ROBO2: variants seen among roughly 807,000 people sequenced by gnomAD.
ROBO2 encodes roundabout homolog 2.
A neutral mutation model predicts 160.8 loss-of-function variants in ROBO2; 53 were observed. The ratio of observed to expected loss-of-function variants is 0.33; its 90% CI spans 0.26 to 0.41. The LOEUF (loss-of-function observed/expected upper bound fraction) is 0.41, where lower values mean the gene tolerates loss of function less well. Among genes scored for constraint, ROBO2 ranks in the 10% least tolerant of loss-of-function variants. The pLI is 1.00. For missense variants in ROBO2, 1,577 were observed against 1,722.4 expected (o/e 0.92, Z 1.49); for synonymous variants, 664 against 611.7 (o/e 1.09, Z -1.26).
At chr3:76,919,285 A>C (rs1018055429) in intron 2 of ROBO2, among the ~76,000 whole-genome samples, 2 of 152,228 alleles carry the variant, frequency 1.3e-5, no homozygotes, top group African/African-American at 2.4e-5. Flanking sequence ...TTTCCATTTA[A>C]GAATGTAATT....
At chr3:76,906,959 C>T (rs555186891) in intron 2 of ROBO2, among the ~76,000 whole-genome samples, 69 of 152,266 alleles carry the variant, frequency 4.5e-4, no homozygotes, top group East Asian at 1.2e-3. Context: ...CAGTTATACA[C>T]GCCTAAGGGA....
At chr3:76,408,445 A>G (rs1287479224) in intron 2 of ROBO2, among the ~76,000 whole-genome samples, 1 of 152,134 alleles carries the variant, frequency 6.6e-6, no homozygotes, top group Non-Finnish European at 1.5e-5. Context: ...TTTGTTCAAG[A>G]ATAGTGAATA....
intron 2 of ROBO2, among the ~76,000 whole-genome samples, chr3:77,287,254 C>CA (rs1031603995): frequency 4.6e-5 from 7 of 151,954 alleles, no homozygotes; most frequent in East Asian, 1.9e-4. Flanking sequence ...TGTGCCCTTG[C>CA]AAAAAAATCT....
chr3:76,088,954 G>A (rs769659448), intron 2 of ROBO2, among the ~76,000 whole-genome samples: 28 of 151,958 alleles, frequency 1.8e-4, no homozygotes, highest in Admixed American at 7.9e-4. Context: ...GAGTGGAAGA[G>A]AGAGAGAATG....
chr3:76,586,488 T>C (rs899731033), intron 2 of ROBO2, among the ~76,000 whole-genome samples: 4 of 152,236 alleles, frequency 2.6e-5, no homozygotes, highest in Admixed American at 2.6e-4. Context: ...AAATGTAATG[T>C]AAGACACATA....
At chr3:77,464,916 G>T (rs2082615771) in intron 2 of ROBO2, among the ~76,000 whole-genome samples, 1 of 152,098 alleles carries the variant, frequency 6.6e-6, no homozygotes, top group Admixed American at 6.6e-5. Flanking sequence ...TATGTCAAGG[G>T]CAGTATTAAA....
chr3:76,241,805 G>A (rs1170815413), intron 2 of ROBO2, among the ~76,000 whole-genome samples: 1 of 152,146 alleles, frequency 6.6e-6, no homozygotes, highest in Non-Finnish European at 1.5e-5. Flanking sequence ...AAAATGTACT[G>A]TCTGAATGAT....
intron 2 of ROBO2, among the ~76,000 whole-genome samples, chr3:77,014,111 A>G (rs2062081149): frequency 6.6e-6 from 1 of 152,066 alleles, no homozygotes; most frequent in Non-Finnish European, 1.5e-5. Flanking sequence ...ATACTTTCAA[A>G]ATCATTACAG....
intron 2 of ROBO2, among the ~76,000 whole-genome samples, chr3:76,686,594 C>A (rs1198132429): frequency 6.6e-6 from 1 of 152,014 alleles, no homozygotes; most frequent in Non-Finnish European, 1.5e-5. Context: ...TGCAATACCC[C>A]ATTTGTTCTC....
intron 2 of ROBO2, among the ~76,000 whole-genome samples, chr3:76,619,128 C>G (rs1175252386): frequency 6.6e-6 from 1 of 151,632 alleles, no homozygotes; most frequent in Non-Finnish European, 1.5e-5. Context: ...ATCACGAGGT[C>G]AGGAGATCGA....
chr3:76,602,176 C>T (rs1036049729), intron 2 of ROBO2, among the ~76,000 whole-genome samples: 5 of 152,202 alleles, frequency 3.3e-5, no homozygotes, highest in Non-Finnish European at 4.4e-5. Flanking sequence ...TTCAACAAGT[C>T]TCTAGGAAGT....
chr3:76,211,697 T>C (rs1275091344), intron 2 of ROBO2, among the ~76,000 whole-genome samples: 4 of 152,080 alleles, frequency 2.6e-5, no homozygotes, highest in African/African-American at 9.7e-5. Context: ...TTTAAAAATG[T>C]ATTTCCTGAA....
chr3:76,752,661 G>C (rs2060743115), intron 2 of ROBO2, among the ~76,000 whole-genome samples: 2 of 151,896 alleles, frequency 1.3e-5, no homozygotes, highest in South Asian at 4.2e-4. Flanking sequence ...GATCTTCATA[G>C]GTTTGCTATG....
intron 2 of ROBO2, among the ~76,000 whole-genome samples, chr3:75,980,127 C>T (rs954168215): frequency 1.6e-4 from 24 of 151,538 alleles, no homozygotes; most frequent in East Asian, 3.9e-4. Flanking sequence ...AATTTCCAGA[C>T]GATACAGGGC....
chr3:77,014,181 A>G (rs2062087603), intron 2 of ROBO2, among the ~76,000 whole-genome samples: 1 of 152,080 alleles, frequency 6.6e-6, no homozygotes, highest in Non-Finnish European at 1.5e-5. Context: ...ATAAACATAT[A>G]GTCAACAGAC....
At chr3:76,173,522 C>A (rs1203719330) in intron 2 of ROBO2, among the ~76,000 whole-genome samples, 1 of 151,682 alleles carries the variant, frequency 6.6e-6, no homozygotes. Context: ...TTGACCCCCA[C>A]CCCTGACAGG....
At chr3:76,020,881 A>G (rs2066555287) in intron 2 of ROBO2, among the ~76,000 whole-genome samples, 1 of 151,734 alleles carries the variant, frequency 6.6e-6, no homozygotes, top group Admixed American at 6.6e-5. Flanking sequence ...TTTTATGTTT[A>G]CTTACATCTT....
At chr3:76,849,153 A>G (rs773670164) in intron 2 of ROBO2, among the ~76,000 whole-genome samples, 3 of 152,190 alleles carry the variant, frequency 2.0e-5, no homozygotes, top group Admixed American at 1.3e-4. Context: ...ACTATAATGT[A>G]GATAGTAAAT....
At chr3:76,027,202 T>C (rs144838274) in intron 2 of ROBO2, among the ~76,000 whole-genome samples, 43 of 152,100 alleles carry the variant, frequency 2.8e-4, no homozygotes, top group African/African-American at 1.0e-3. Context: ...ATAAGCTGTT[T>C]TCAATGATGG....
Sources: allele counts gnomAD v4.1 joint callset (sites outside exome capture counted in the v4.1 genomes callset), GRCh38; gene constraint gnomAD v4.1.1; transcripts MANE v1.5; gene names NCBI Gene and HGNC (gene_info 2026-07-23, HGNC 2026-07-21).